TREH: variants seen among roughly 807,000 people sequenced by gnomAD.
The protein encoded by TREH is trehalase, also known as alpha,alpha-trehalose glucohydrolase.
Under a neutral mutation model 80.5 loss-of-function variants are expected in TREH, and 69 were observed. The observed-to-expected ratio is 0.86, with a 90% CI of 0.71 to 1.05. The LOEUF (loss-of-function observed/expected upper bound fraction) is 1.05, where lower values mean the gene tolerates loss of function less well. TREH is among the 50% of genes least tolerant of loss of function. The probability of loss-of-function intolerance (pLI) is 0.00; values close to 1 mark genes in which losing one functional copy is unlikely to be tolerated. For missense variants in TREH, 716 were observed against 718.8 expected (o/e 1.00, Z 0.04); for synonymous variants, 309 against 293.5 (o/e 1.05, Z -0.54).
intron 1 of TREH, 43 bp from the exon 2 acceptor site, chr11:118,663,482 C>A: frequency 6.8e-7 from 1 of 1,464,540 alleles, no homozygotes; most frequent in Non-Finnish European, 9.4e-7. Context: ...ACCACCACCA[C>A]CCCATTAGGA....
At chr11:118,668,155 G>A (rs782114158) in intron 1 of TREH, among the ~76,000 whole-genome samples, 6 of 152,008 alleles carry the variant, frequency 3.9e-5, no homozygotes, top group African/African-American at 7.3e-5. Flanking sequence ...GTGAGCCACC[G>A]CACCCAGCCT....
At position 118,661,411 on chromosome 11, in the gene TREH, T is replaced by C. The variant is rs1949320133; in HGVS notation, c.716A>G (p.Asn239Ser). Reference sequence around the variant, plus strand: ...TACCCACTGTAGAAAGGCGGTGTCATTGGTGTGAGTCAAGTAGCAATCCAT... The same window carrying C: ...TACCCACTGTAGAAAGGCGGTGTCACTGGTGTGAGTCAAGTAGCAATCCAT... ...LMMDCYLTHT[N>S]DTAFLQENIE... Residue 239 changes from asparagine (N) to serine (S), a missense_variant, in exon 7 of 15, where the codon AAT becomes AGT. Asn to Ser is a conservative substitution (Grantham distance 46). Transcript: ENST00000264029. This position sits in a 1 kb window ranked among gnomAD's most constrained non-coding sequence, Gnocchi z 4.2. 6.2e-7 allele frequency: 1 copy of C among 1,613,832 alleles called. No individual in the cohort carries two copies. The highest frequency in any genetic ancestry group is 2.2e-5 in the East Asian group (1 of 44,854).
intron 13 of TREH, 83 bp from the exon 14 acceptor site, chr11:118,658,816 G>A: frequency 6.2e-7 from 1 of 1,610,224 alleles, no homozygotes; most frequent in Non-Finnish European, 8.5e-7. Flanking sequence ...CTGGGGAGAA[G>A]CTGCTCTGCC....
intron 1 of TREH, among the ~76,000 whole-genome samples, chr11:118,665,871 A>G (rs994352414): frequency 6.6e-6 from 1 of 152,190 alleles, no homozygotes; most frequent in Admixed American, 6.5e-5. Flanking sequence ...CAACACTACT[A>G]TTACTGCTGG....
chr11:118,662,555 G>A (rs1404643219), intron 4 of TREH, among the ~76,000 whole-genome samples: 1 of 152,256 alleles, frequency 6.6e-6, no homozygotes, highest in Non-Finnish European at 1.5e-5. Flanking sequence ...CAGGAGCTCA[G>A]GGAAGGAGAG....
In TREH at chr11:118,657,899, G is replaced by A. The variant is rs1234846937; in HGVS notation, c.*390C>T. The A allele has an allele frequency of 1.1e-5, 2 of 189,012 alleles. No individual in the cohort carries two copies. Among genetic ancestry groups the A allele is most frequent in the East Asian group, 1.3e-4 (1 of 7,414 alleles). The allele number at this position is 189,012 out of a possible 1,614,324, so 11.7% of individuals were successfully genotyped here. A position where few individuals can be genotyped will look rare whatever the true frequency, so the allele number is the denominator to read the frequency against. ...CCAGCTGTCTGGCCTCGCCCTTCAC[G>A]CCTTAACACTAAGCCCACCTCCCCT... On this transcript the variant is annotated 3_prime_UTR_variant, in exon 15 of 15. Coordinates refer to ENST00000264029, the MANE Select transcript of TREH (RefSeq NM_007180.3).
rs782178282 is a variant in TREH, at chr11:118,659,742, C to T, written c.1320+5G>A. ...GTGGACCCGAGCCACCTGCTGTGCCCTCACCTCCAGGTATTTCAGAGCCTT... is the reference window on the plus strand; with the variant it reads ...GTGGACCCGAGCCACCTGCTGTGCCTTCACCTCCAGGTATTTCAGAGCCTT... On this transcript the variant is annotated splice_donor_5th_base_variant and intron_variant, in intron 11 of 14. Coordinates refer to ENST00000264029, the MANE Select transcript of TREH (RefSeq NM_007180.3). 4 of 1,567,022 alleles carry T rather than the reference C, an allele frequency of 2.6e-6. No individual in the cohort carries two copies. The African/African-American group carries it at 4.1e-5, about 16-fold the overall frequency.
chr11:118,665,300 A>C (rs938160088), intron 1 of TREH, among the ~76,000 whole-genome samples: 1 of 152,092 alleles, frequency 6.6e-6, no homozygotes, highest in Non-Finnish European at 1.5e-5. Context: ...CCCCACGACT[A>C]GGACTGCAAA....
chr11:118,675,996 C>A (rs557131089), intron 1 of TREH, among the ~76,000 whole-genome samples: 8 of 152,212 alleles, frequency 5.3e-5, no homozygotes, highest in Non-Finnish European at 1.2e-4. Context: ...AGCCACTGTG[C>A]CCAGCCTACT....
rs1434356281 is a variant in TREH at position 118,660,920 on chromosome 11, C to T, written c.858-5G>A. On this transcript the variant is annotated splice_polypyrimidine_tract_variant and splice_region_variant and intron_variant, in intron 8 of 14. Coordinates refer to ENST00000264029, the MANE Select transcript of TREH (RefSeq NM_007180.3). ...TCTTTGCTGTAGGACTCAGGCCTGG[C>T]AAAGAGGAGAGGTGGGCAGCCTGGC... The T allele has an allele frequency of 6.4e-7, 1 of 1,569,724 alleles. No individual in the cohort carries two copies. The highest frequency in any genetic ancestry group is 1.9e-5 in the Admixed American group (1 of 53,590).
intron 1 of TREH, among the ~76,000 whole-genome samples, chr11:118,676,071 C>T (rs542796118): frequency 6.6e-6 from 1 of 152,164 alleles, no homozygotes; most frequent in Non-Finnish European, 1.5e-5. Flanking sequence ...TTGATTGAAT[C>T]ATTGATCATG....
At chr11:118,662,795 G>C (rs782015550) in intron 4 of TREH, 86 bp downstream of exon 4, 39 of 1,458,636 alleles carry the variant, frequency 2.7e-5, no homozygotes, top group Non-Finnish European at 3.6e-5. Context: ...AACCTGATCT[G>C]TGCTCCGAAG....
At chr11:118,673,877 C>T (rs772214560) in intron 1 of TREH, among the ~76,000 whole-genome samples, 4 of 152,194 alleles carry the variant, frequency 2.6e-5, no homozygotes, top group Non-Finnish European at 5.9e-5. Flanking sequence ...GTTCATTCAC[C>T]TTGGGACTGC....
At chr11:118,677,940 A>G (rs1555147015) in intron 1 of TREH, among the ~76,000 whole-genome samples, 1 of 152,114 alleles carries the variant, frequency 6.6e-6, no homozygotes, top group African/African-American at 2.4e-5. Flanking sequence ...TCCCAGGTAC[A>G]CTTTTCCCCT....
chr11:118,668,143 G>A (rs773141439), intron 1 of TREH, among the ~76,000 whole-genome samples: 15 of 152,270 alleles, frequency 9.9e-5, no homozygotes, highest in Non-Finnish European at 1.2e-4. Context: ...GGGATTACAG[G>A]CGTGAGCCAC....
Position 118,668,561 on chromosome 11 carries a change from CAAAAAAA to C in TREH, c.90-5129_90-5123del, listed in dbSNP as rs35085066. 1.7e-3 allele frequency among the ~76,000 whole-genome samples: 79 copies of C among 47,864 alleles called. No homozygotes were observed. In the East Asian group the frequency reaches 0.051, roughly 31 times the overall value. 31.4% of individuals were successfully genotyped at this position (47,864 alleles called of 152,430 possible). A position where few individuals can be genotyped will look rare whatever the true frequency, so the allele number is the denominator to read the frequency against. On this transcript the variant is annotated intron_variant, in intron 1 of 14. Transcript: ENST00000264029. ...TGGGCAACAGGGTGAGACTCTGTCT[CAAAAAAA>C]AAAAAAAAAAAAAAAAAAAAAGATT...
At chr11:118,679,094 C>G (rs659969) in intron 1 of TREH, among the ~76,000 whole-genome samples, 1 of 151,944 alleles carries the variant, frequency 6.6e-6, no homozygotes, top group South Asian at 2.1e-4. Context: ...CTGCAGGTCC[C>G]GACAGGGGGC....
At chr11:118,659,714 G>C (rs1949290905) in intron 11 of TREH, 33 bp downstream of exon 11, 1 of 1,552,940 alleles carries the variant, frequency 6.4e-7, no homozygotes, top group South Asian at 1.2e-5. Context: ...GGTGCTGCCT[G>C]CAGTGGACCC....
At chr11:118,668,883 C>G (rs1949405399) in intron 1 of TREH, among the ~76,000 whole-genome samples, 1 of 151,724 alleles carries the variant, frequency 6.6e-6, no homozygotes, top group Admixed American at 6.6e-5. Context: ...GAGGTTGCGC[C>G]ACTGTGCTCC....
Sources: gnomAD v4.1 joint callset for allele counts (sites outside exome capture counted in the v4.1 genomes callset) on GRCh38, gnomAD v4.1.1 for gene constraint, Gnocchi (gnomAD v3.1) non-coding constraint, MANE v1.5 for transcripts, NCBI Gene and HGNC (gene_info 2026-07-23, HGNC 2026-07-21) for gene names.